The following SLC10A7 variants were observed in gnomAD, a reference collection of about 807,000 sequenced individuals.
The protein encoded by SLC10A7 is sodium/bile acid cotransporter 7.
A neutral mutation model predicts 43.2 loss-of-function variants in SLC10A7; 29 were observed. That is an observed-to-expected ratio of 0.67 (90% CI 0.50 to 0.92). SLC10A7 has a LOEUF of 0.92. Ranked by LOEUF, SLC10A7 falls within the 40% of genes least tolerant of loss-of-function variation. The pLI is 0.00. For missense variants in SLC10A7, 295 were observed against 403.2 expected (o/e 0.73, Z 2.30); for synonymous variants, 152 against 144.8 (o/e 1.05, Z -0.35).
At chr4:146,495,797 A>ACACACC (rs1553986653) in intron 4 of SLC10A7, among the ~76,000 whole-genome samples, 7 of 151,922 alleles carry the variant, frequency 4.6e-5, no homozygotes, top group African/African-American at 1.7e-4. Context: ...ACACACACAC[A>ACACACC]CACACACACA....
chr4:146,506,210 A>C (rs1736879396), intron 3 of SLC10A7, among the ~76,000 whole-genome samples: 1 of 152,174 alleles, frequency 6.6e-6, no homozygotes, highest in South Asian at 2.1e-4. Context: ...GCAGTGAGCC[A>C]AGATTGTGCC....
At chr4:146,307,297 A>G (rs1008952513) in intron 6 of SLC10A7, among the ~76,000 whole-genome samples, 1 of 152,190 alleles carries the variant, frequency 6.6e-6, no homozygotes, top group African/African-American at 2.4e-5. Flanking sequence ...TTAACCCATA[A>G]AAATTGGTGG....
intron 6 of SLC10A7, among the ~76,000 whole-genome samples, chr4:146,312,381 G>A (rs1732044774): frequency 6.6e-6 from 1 of 152,068 alleles, no homozygotes; most frequent in South Asian, 2.1e-4. Flanking sequence ...TGATTACTAT[G>A]ATAAAGCTAT....
chr4:146,447,884 T>C (rs561482302), intron 4 of SLC10A7, among the ~76,000 whole-genome samples: 3 of 151,480 alleles, frequency 2.0e-5, no homozygotes, highest in African/African-American at 4.8e-5. Context: ...AATTTCATCA[T>C]AAACTACTTG....
intron 9 of SLC10A7, among the ~76,000 whole-genome samples, chr4:146,291,874 G>A (rs1401322328): frequency 1.3e-5 from 2 of 152,168 alleles, no homozygotes; most frequent in Non-Finnish European, 2.9e-5. Context: ...GTGCAAGATT[G>A]AAATCACCTC....
intron 5 of SLC10A7, among the ~76,000 whole-genome samples, chr4:146,392,806 T>G (rs913425524): frequency 1.3e-5 from 2 of 152,070 alleles, no homozygotes; most frequent in African/African-American, 4.8e-5. Flanking sequence ...CTATTGCCCT[T>G]AGAGTAAAGC....
intron 5 of SLC10A7, chr4:146,442,054 T>G (rs1031134325): frequency 1.0e-6 from 1 of 978,676 alleles, no homozygotes; most frequent in African/African-American, 1.8e-5. Flanking sequence ...ATAATTAACT[T>G]CAGGAATTTA....
At chr4:146,327,664 C>T (rs1438777090) in intron 5 of SLC10A7, among the ~76,000 whole-genome samples, 1 of 152,202 alleles carries the variant, frequency 6.6e-6, no homozygotes, top group Non-Finnish European at 1.5e-5. Context: ...CAACATGGTC[C>T]CTATGCTTAA....
At chr4:146,261,532 G>A (rs1253898448) in intron 10 of SLC10A7, among the ~76,000 whole-genome samples, 8 of 152,170 alleles carry the variant, frequency 5.3e-5, no homozygotes, top group African/African-American at 1.9e-4. Flanking sequence ...TTCAAAGGGT[G>A]ATTTCTGCTT....
chr4:146,368,329 TG>T (rs575222593), intron 5 of SLC10A7, among the ~76,000 whole-genome samples: 45 of 152,346 alleles, frequency 3.0e-4, no homozygotes, highest in African/African-American at 9.6e-4. Flanking sequence ...AGTATCTGGC[TG>T]CAGAAAATGC....
chr4:146,310,595 T>G (rs920223897), intron 6 of SLC10A7, among the ~76,000 whole-genome samples: 1 of 152,150 alleles, frequency 6.6e-6, no homozygotes, highest in Non-Finnish European at 1.5e-5. Context: ...CTTTTTTTCC[T>G]ATATTTGTTG....
At chr4:146,364,065 G>A (rs1160069012) in intron 5 of SLC10A7, among the ~76,000 whole-genome samples, 1 of 151,856 alleles carries the variant, frequency 6.6e-6, no homozygotes, top group East Asian at 1.9e-4. Flanking sequence ...CAAAAAGTTG[G>A]TTCTTTTGAG....
Position 146,325,993 on chromosome 4 carries a change from T to C in SLC10A7, c.439A>G (p.Ile147Val). The C allele has an allele frequency of 1.2e-6, 2 of 1,611,908 alleles. No homozygotes were observed. Among genetic ancestry groups the C allele is most frequent in the Non-Finnish European group, 8.5e-7 (1 of 1,179,030 alleles). The change falls in exon 6 of 12, where the codon ATC becomes GTC. Residue 147 changes from isoleucine (I) to valine (V), a missense_variant. Transcript: ENST00000335472. ...AGCAGGAGCAGGGGTGTTATAACGA[T>C]GCCCTGAAAGAAATAAAAGAGAGGA... is the stretch of plus-strand genomic sequence containing the variant. Reference protein sequence around the residue: ...FNSAFGSFLGIVITPLLLLLF... With the variant: ...FNSAFGSFLGVVITPLLLLLF...
chr4:146,442,345 T>C (rs1267659735), intron 5 of SLC10A7: 2 of 989,902 alleles, frequency 2.0e-6, no homozygotes, highest in African/African-American at 1.7e-5. Flanking sequence ...TCCAAGCCAG[T>C]AGCTTCTTTG....
At chr4:146,460,774 T>C (rs966930680) in intron 4 of SLC10A7, among the ~76,000 whole-genome samples, 3 of 151,998 alleles carry the variant, frequency 2.0e-5, no homozygotes, top group South Asian at 2.1e-4. Flanking sequence ...TTCTAAAACA[T>C]ATAATTTTAA....
chr4:146,430,647 C>CA (rs1439438538), intron 5 of SLC10A7, among the ~76,000 whole-genome samples: 11 of 151,598 alleles, frequency 7.3e-5, no homozygotes, highest in Non-Finnish European at 1.6e-4. Flanking sequence ...AAAATATCAC[C>CA]AAAAAAAGCT....
intron 5 of SLC10A7, among the ~76,000 whole-genome samples, chr4:146,342,638 C>A (rs1292175244): frequency 6.6e-6 from 1 of 151,332 alleles, no homozygotes; most frequent in Non-Finnish European, 1.5e-5. Context: ...TTAAATTTTT[C>A]AATAAAGCAT....
rs558162078 is a variant in SLC10A7 at position 146,259,529 on chromosome 4, A to AGGT, written c.848-695_848-693dup. 1.7e-4 allele frequency among the ~76,000 whole-genome samples: 26 copies of AGGT among 152,324 alleles called. No homozygotes were observed. In the East Asian group the frequency reaches 4.6e-3, roughly 27 times the overall value. ...GGCAGAAGAATCGCTTGAACCTGGG[A>AGGT]GGTGGAGGTTGCAGTGAGCTGAGAT... On this transcript the variant is annotated intron_variant, in intron 10 of 11. Coordinates refer to ENST00000335472, the MANE Select transcript of SLC10A7 (RefSeq NM_001029998.6).
chr4:146,328,367 G>A (rs866972974), intron 5 of SLC10A7, among the ~76,000 whole-genome samples: 32 of 152,252 alleles, frequency 2.1e-4, no homozygotes, highest in Middle Eastern at 3.4e-3. Context: ...CCTGAGGAGA[G>A]ACCTCTCTCA....
Sources: allele counts gnomAD v4.1 joint callset (sites outside exome capture counted in the v4.1 genomes callset), GRCh38; gene constraint gnomAD v4.1.1; transcripts MANE v1.5; gene names NCBI Gene and HGNC (gene_info 2026-07-23, HGNC 2026-07-21).